Variants in GHRH observed in about 807,000 individuals in gnomAD.
The protein encoded by GHRH is somatoliberin.
GHRH carries 7 observed loss-of-function variants against 15.6 expected under a neutral mutation model. That is an observed-to-expected ratio of 0.45 (90% CI 0.26 to 0.84). The LOEUF (loss-of-function observed/expected upper bound fraction) is 0.84. GHRH is among the 40% of genes least tolerant of loss of function. The pLI is 0.18. For synonymous variants in GHRH, 54 were observed against 50.4 expected (o/e 1.07, Z -0.30); for missense variants, 117 against 138.0 (o/e 0.85, Z 0.76).
intron 1 of GHRH, 69 bp downstream of exon 1, chr20:37,261,674 T>C (rs1442662586): frequency 2.0e-5 from 3 of 152,304 alleles, no homozygotes; most frequent in Non-Finnish European, 2.9e-5. Flanking sequence ...TCAGTGTTTC[T>C]AAGTTGGTGA....
At chr20:37,252,143 G>A (rs1279402937) in intron 4 of GHRH, among the ~76,000 whole-genome samples, 1 of 152,196 alleles carries the variant, frequency 6.6e-6, no homozygotes, top group Non-Finnish European at 1.5e-5. Flanking sequence ...TTGAACTCTT[G>A]TCTTGCGGAC....
intron 3 of GHRH, among the ~76,000 whole-genome samples, chr20:37,255,146 G>A (rs1569011925): frequency 6.6e-6 from 1 of 152,120 alleles, no homozygotes; most frequent in Non-Finnish European, 1.5e-5. Context: ...GTGCATATGT[G>A]TTTCTGTGTG....
intron 4 of GHRH, 108 bp downstream of exon 4, chr20:37,254,102 G>A: frequency 3.4e-6 from 4 of 1,169,762 alleles, no homozygotes; most frequent in Middle Eastern, 5.8e-4. Flanking sequence ...GGTTTGTTTG[G>A]CAGAGCCCCA....
In GHRH at chr20:37,256,411, G is replaced by A. The variant is rs1826352191; in HGVS notation, c.171C>T (p.Ile57=). The change falls in exon 3 of 5, where the codon ATC becomes ATT. Residue 57 remains isoleucine, a synonymous_variant. Transcript: ENST00000373614. ...CTGCTTACCCCTGCTGCCTGCTCAT[G>A]ATGTCCTGGAGCAGCTTGCGGGCGG... ...QLSARKLLQD[I]MSRQQGESNQ... 3.7e-6 allele frequency: 6 copies of A among 1,611,368 alleles called. No homozygotes were observed. The highest frequency in any genetic ancestry group is 5.1e-6 in the Non-Finnish European group (6 of 1,178,122).
At position 37,252,988 on chromosome 20, in the gene GHRH, C is replaced by T. The variant is rs561135845; in HGVS notation, c.308+1222G>A. Among the ~76,000 whole-genome samples the T allele has an allele frequency of 5.6e-4, 85 of 152,324 alleles. No homozygotes were observed. The South Asian group carries it at 0.01, about 19-fold the overall frequency. On this transcript the variant is annotated intron_variant, in intron 4 of 4. Transcript: ENST00000373614. ...CAGAGGCTGCAGTGAGCCGAGATCA[C>T]GCCACTGCACTCTAGCCTGGGTGAT...
At chr20:37,259,187 T>A (rs1363881715) in intron 1 of GHRH, among the ~76,000 whole-genome samples, 1 of 152,182 alleles carries the variant, frequency 6.6e-6, no homozygotes, top group Non-Finnish European at 1.5e-5. Context: ...GAGGGCTGGC[T>A]GTGTAACATC....
Position 37,254,203 on chromosome 20 carries a change from C to T in GHRH, c.308+7G>A, listed in dbSNP as rs369864547. On this transcript the variant is annotated splice_region_variant and intron_variant, in intron 4 of 4. Transcript: ENST00000373614. The stretch of plus-strand genomic sequence containing the variant: ...CCCTAGATGCACCCATGCACACACA[C>T]CCATACCTGTGCTTCTGCAGCAGGG... The T allele has an allele frequency of 2.5e-6, 4 of 1,614,134 alleles. No individual in the cohort carries two copies. The highest frequency in any genetic ancestry group is 3.4e-6 in the Non-Finnish European group (4 of 1,179,992).
At chr20:37,256,711 G>C in intron 2 of GHRH, 96 bp downstream of exon 2, 2 of 993,762 alleles carry the variant, frequency 2.0e-6, no homozygotes, top group Non-Finnish European at 3.1e-6. Flanking sequence ...GACATAGCCA[G>C]GGCCCAGCTG....
chr20:37,252,317 G>T (rs1467087296), intron 4 of GHRH, among the ~76,000 whole-genome samples: 5 of 152,210 alleles, frequency 3.3e-5, no homozygotes, highest in Admixed American at 2.6e-4. Context: ...GGTGCTGCTT[G>T]TAGGTGGTGA....
intron 3 of GHRH, among the ~76,000 whole-genome samples, chr20:37,255,765 C>T (rs2068652410): frequency 6.6e-6 from 1 of 151,112 alleles, no homozygotes; most frequent in Non-Finnish European, 1.5e-5. Flanking sequence ...CAAGGTGGCT[C>T]ACAACTATAA....
At position 37,251,702 on chromosome 20, in the gene GHRH, G is replaced by C. The variant is rs533739532; in HGVS notation, c.309-471C>G. ...AGAGTGTGGCATGTCATAGTCACTGGATGGTCTTTACAGGGGTGGGAAGAT... is the reference window on the plus strand; with the variant it reads ...AGAGTGTGGCATGTCATAGTCACTGCATGGTCTTTACAGGGGTGGGAAGAT... On this transcript the variant is annotated intron_variant, in intron 4 of 4. Coordinates refer to ENST00000373614, the MANE Select transcript of GHRH (RefSeq NM_021081.6). 8.8e-3 allele frequency among the ~76,000 whole-genome samples: 1,344 copies of C among 152,290 alleles called. 22 individuals are homozygous for C. The highest frequency in any genetic ancestry group is 0.03 in the African/African-American group (1,236 of 41,560).
chr20:37,256,625 C>T (rs113430205), intron 2 of GHRH, 127 bp from the exon 3 acceptor site: 32 of 730,082 alleles, frequency 4.4e-5, no homozygotes, highest in African/African-American at 4.2e-4. Context: ...CCAAGAGAGA[C>T]TCAGACCCCT....
intron 3 of GHRH, among the ~76,000 whole-genome samples, 199 bp downstream of exon 3, chr20:37,256,195 C>T (rs2068654750): frequency 1.3e-5 from 2 of 152,166 alleles, no homozygotes; most frequent in South Asian, 4.1e-4. Flanking sequence ...ACTGTCGGAG[C>T]CTAGCCTGAA....
rs1291326570 is a variant in GHRH, at chr20:37,256,587, C to T, written c.84-89G>A. The T allele has an allele frequency of 3.6e-6, 3 of 838,322 alleles. No homozygotes were observed. The Admixed American group carries it at 6.5e-5, about 18-fold the overall frequency. The allele number at this position is 838,322 out of a possible 1,614,324, so 51.9% of individuals were successfully genotyped here. A position where few individuals can be genotyped will look rare whatever the true frequency, so the allele number is the denominator to read the frequency against. On this transcript the variant is annotated intron_variant, in intron 2 of 4. Transcript: ENST00000373614. ...TGCACTCGCCATGTCTCTGCAAGATCCTTCTGTTGCCATCTGTCCCACTCA... is the reference window on the plus strand; with the variant it reads ...TGCACTCGCCATGTCTCTGCAAGATTCTTCTGTTGCCATCTGTCCCACTCA...
At chr20:37,260,741 C>T (rs1046936476) in intron 1 of GHRH, among the ~76,000 whole-genome samples, 3 of 152,186 alleles carry the variant, frequency 2.0e-5, no homozygotes, top group Admixed American at 6.5e-5. Flanking sequence ...TTATGATCAT[C>T]GGTTAGCTTC....
At chr20:37,255,365 G>A (rs2068648954) in intron 3 of GHRH, among the ~76,000 whole-genome samples, 1 of 151,980 alleles carries the variant, frequency 6.6e-6, no homozygotes, top group Non-Finnish European at 1.5e-5. Context: ...TCCTTTAAAA[G>A]CTATTAACCC....
intron 3 of GHRH, among the ~76,000 whole-genome samples, chr20:37,255,227 A>T (rs1012612733): frequency 1.3e-5 from 2 of 152,212 alleles, no homozygotes; most frequent in African/African-American, 4.8e-5. Flanking sequence ...GGAAGTGTAT[A>T]TGGAAGTCCA....
At chr20:37,251,348 A>C in intron 4 of GHRH, 117 bp from the exon 5 acceptor site, 1 of 770,066 alleles carries the variant, frequency 1.3e-6, no homozygotes, top group Non-Finnish European at 2.1e-6. Context: ...TTTGGATTCC[A>C]AAAGAGGCAG....
At chr20:37,255,709 G>C (rs1014181259) in intron 3 of GHRH, among the ~76,000 whole-genome samples, 1 of 149,258 alleles carries the variant, frequency 6.7e-6, no homozygotes, top group African/African-American at 2.5e-5. Context: ...CTGTACAATG[G>C]GGATAAGGGT....
Sources: gnomAD v4.1 joint callset for allele counts (sites outside exome capture counted in the v4.1 genomes callset) on GRCh38, gnomAD v4.1.1 for gene constraint, MANE v1.5 for transcripts, NCBI Gene and HGNC (gene_info 2026-07-23, HGNC 2026-07-21) for gene names.